The following MCU variants were observed in gnomAD, a reference collection of about 807,000 sequenced individuals.
MCU encodes calcium uniporter protein, mitochondrial.
In MCU, 12 loss-of-function variants were observed where a neutral mutation model predicts 45.2. The ratio of observed to expected loss-of-function variants is 0.27; its 90% confidence interval spans 0.17 to 0.43. The LOEUF is 0.43. MCU is among the 20% of genes least tolerant of loss of function. The pLI is 1.00. For missense variants in MCU, 324 were observed against 436.7 expected (o/e 0.74, Z 2.30); for synonymous variants, 160 against 165.1 (o/e 0.97, Z 0.24).
intron 5 of MCU, 32 bp downstream of exon 5, chr10:72,868,895 A>C: frequency 6.2e-7 from 1 of 1,603,896 alleles, no homozygotes; most frequent in Non-Finnish European, 8.5e-7. Context: ...TTTTTACCTT[A>C]ACCTGTATTT....
chr10:72,720,032 C>T (rs751410868), intron 1 of MCU, among the ~76,000 whole-genome samples: 10 of 152,012 alleles, frequency 6.6e-5, no homozygotes, highest in African/African-American at 1.2e-4. Flanking sequence ...CAAAATACTA[C>T]GCCCATCTAA....
intron 1 of MCU, chr10:72,760,493 T>C (rs975447680): frequency 3.9e-5 from 6 of 152,098 alleles, no homozygotes; most frequent in African/African-American, 1.4e-4. Flanking sequence ...ATATATTTTA[T>C]AATTTGGTCC....
intron 2 of MCU, among the ~76,000 whole-genome samples, chr10:72,840,326 A>G (rs1360646195): frequency 3.9e-5 from 6 of 152,200 alleles, no homozygotes; most frequent in Non-Finnish European, 8.8e-5. Context: ...AACCATTCAG[A>G]TATTTTATTT....
At chr10:72,816,040 C>T (rs1844620431) in intron 1 of MCU, among the ~76,000 whole-genome samples, 1 of 151,996 alleles carries the variant, frequency 6.6e-6, no homozygotes, top group Non-Finnish European at 1.5e-5. Flanking sequence ...TATATGGTGG[C>T]GGGTGCCTGT....
At chr10:72,792,700 C>T (rs1844181604) in intron 1 of MCU, among the ~76,000 whole-genome samples, 1 of 133,108 alleles carries the variant, frequency 7.5e-6, no homozygotes, top group South Asian at 3.1e-4. Context: ...TCCCTCTCCC[C>T]TCCCCCCCAC....
rs1236866312 is a variant in MCU, at chr10:72,812,474, A to G, written c.151-21885A>G. On this transcript the variant is annotated intron_variant, in intron 1 of 7. Transcript: ENST00000373053. ...AGATTTCTTATACTTCATTATTGAT[A>G]TGAGGTGGAGACAGTGGGCAGAGCA... Among the ~76,000 whole-genome samples the G allele has an allele frequency of 5.9e-5, 9 of 152,190 alleles. No homozygotes were observed. In the East Asian group the frequency reaches 1.7e-3, roughly 29 times the overall value.
At chr10:72,767,627 C>T (rs73286743) in intron 1 of MCU, among the ~76,000 whole-genome samples, 8,000 of 152,066 alleles carry the variant, frequency 0.053, 707 homozygotes, top group African/African-American at 0.18. Flanking sequence ...GGATTACAGG[C>T]ACAATTCTTT....
intron 1 of MCU, among the ~76,000 whole-genome samples, chr10:72,800,447 T>C (rs1844321623): frequency 6.6e-6 from 1 of 152,208 alleles, no homozygotes; most frequent in Non-Finnish European, 1.5e-5. Context: ...AATTTTGAAA[T>C]CTGAAACACT....
intron 1 of MCU, among the ~76,000 whole-genome samples, chr10:72,772,841 C>T (rs1843832413): frequency 6.6e-6 from 1 of 152,200 alleles, no homozygotes; most frequent in African/African-American, 2.4e-5. Context: ...GTGACTGACC[C>T]TAACAAGATG....
At chr10:72,817,830 C>A (rs1399423618) in intron 1 of MCU, among the ~76,000 whole-genome samples, 2 of 152,150 alleles carry the variant, frequency 1.3e-5, no homozygotes, top group Admixed American at 1.3e-4. Flanking sequence ...AATACTAGAG[C>A]CTTTAATGGA....
At chr10:72,771,808 C>A (rs991743609) in intron 1 of MCU, among the ~76,000 whole-genome samples, 6 of 152,116 alleles carry the variant, frequency 3.9e-5, no homozygotes, top group Non-Finnish European at 8.8e-5. Context: ...TGTCCTAATG[C>A]TCTCCCTCCC....
At chr10:72,750,003 C>G (rs951277803) in intron 1 of MCU, among the ~76,000 whole-genome samples, 4 of 150,780 alleles carry the variant, frequency 2.7e-5, no homozygotes, top group African/African-American at 7.3e-5. Flanking sequence ...TGGTCTTGAA[C>G]TCCTGACTTC....
At chr10:72,876,588 TTA>T (rs1400616893) in intron 6 of MCU, among the ~76,000 whole-genome samples, 46 of 152,316 alleles carry the variant, frequency 3.0e-4, no homozygotes, top group African/African-American at 1.0e-3. Context: ...CCCATAGTAG[TTA>T]TTCTAAGACT....
intron 1 of MCU, among the ~76,000 whole-genome samples, chr10:72,811,681 A>G (rs1844545760): frequency 6.6e-6 from 1 of 152,222 alleles, no homozygotes; most frequent in Admixed American, 6.5e-5. Context: ...TGAGCTTATC[A>G]TTTAATGATT....
chr10:72,812,698 C>T (rs1226578077), intron 1 of MCU, among the ~76,000 whole-genome samples: 1 of 152,158 alleles, frequency 6.6e-6, no homozygotes, highest in Non-Finnish European at 1.5e-5. Context: ...TGTTTTCTGA[C>T]ATAACTTTCT....
intron 6 of MCU, among the ~76,000 whole-genome samples, chr10:72,875,829 T>C (rs533665765): frequency 5.9e-5 from 9 of 152,358 alleles, no homozygotes; most frequent in African/African-American, 2.2e-4. Context: ...GCAGTAAGAC[T>C]TGCCTGTGGG....
intron 1 of MCU, chr10:72,766,936 C>G (rs1843736005): frequency 6.6e-6 from 1 of 152,086 alleles, no homozygotes; most frequent in Non-Finnish European, 1.5e-5. Flanking sequence ...ATCTTTCAAT[C>G]TTTTTAAAAT....
chr10:72,772,798 A>G (rs1054169108), intron 1 of MCU, among the ~76,000 whole-genome samples: 6 of 152,222 alleles, frequency 3.9e-5, no homozygotes, highest in Admixed American at 6.5e-5. Context: ...ACAGGAAATC[A>G]TGACCTTCCC....
In MCU at chr10:72,776,580, G is replaced by C. The variant is rs565894163; in HGVS notation, c.151-57779G>C. Among the ~76,000 whole-genome samples, 63 of 152,208 alleles carry C rather than the reference G, an allele frequency of 4.1e-4. No homozygotes were observed. In the South Asian group the frequency reaches 0.013, roughly 32 times the overall value. On this transcript the variant is annotated intron_variant, in intron 1 of 7. Transcript: ENST00000373053. ...AAGGAGCATACCTCAAAATAATAAA[G>C]GCCATAAATGACAAACTCATAGCTA...
Sources: allele counts gnomAD v4.1 joint callset (sites outside exome capture counted in the v4.1 genomes callset), GRCh38; gene constraint gnomAD v4.1.1; transcripts MANE v1.5; gene names NCBI Gene and HGNC (gene_info 2026-07-23, HGNC 2026-07-21).